The following SPATA17 variants were observed in gnomAD, a reference collection of about 807,000 sequenced individuals.
SPATA17 encodes the protein spermatogenesis-associated protein 17.
A neutral mutation model predicts 62.2 loss-of-function variants in SPATA17; 53 were observed. The observed-to-expected ratio is 0.85, with a 90% confidence interval of 0.68 to 1.07. SPATA17 has a LOEUF of 1.07. SPATA17 is among the 50% of genes least tolerant of loss of function. SPATA17 has a pLI of 0.00. For missense variants in SPATA17, 466 were observed against 425.5 expected, an observed-to-expected ratio of 1.10 and a Z score of -0.84; for synonymous variants, 146 against 146.8, an observed-to-expected ratio of 0.99 and a Z score of 0.04.
At chr1:217,709,045 G>C (rs1375979828) in intron 5 of SPATA17, among the ~76,000 whole-genome samples, 1 of 151,854 alleles carries the variant, frequency 6.6e-6, no homozygotes, top group African/African-American at 2.4e-5. Flanking sequence ...TTCAAAATAA[G>C]AGCCATCTAT....
intron 5 of SPATA17, among the ~76,000 whole-genome samples, chr1:217,710,134 TA>T (rs906819150): frequency 4.6e-5 from 7 of 152,068 alleles, no homozygotes; most frequent in African/African-American, 9.7e-5. Flanking sequence ...TAGTTAATAG[TA>T]AAAAAAATTG....
At chr1:217,808,378 CA>C (rs1674496095) in intron 9 of SPATA17, among the ~76,000 whole-genome samples, 3 of 48,742 alleles carry the variant, frequency 6.2e-5, no homozygotes, top group Non-Finnish European at 1.5e-4. Context: ...CACACACACA[CA>C]CACCCCCCTC....
intron 8 of SPATA17, among the ~76,000 whole-genome samples, chr1:217,793,207 G>A (rs954759109): frequency 4.7e-5 from 7 of 149,482 alleles, no homozygotes; most frequent in Non-Finnish European, 8.9e-5. Context: ...TTTAATGTTA[G>A]GGCAGTGGTT....
chr1:217,739,898 C>T (rs1324788727), intron 5 of SPATA17, among the ~76,000 whole-genome samples: 1 of 151,990 alleles, frequency 6.6e-6, no homozygotes, highest in Non-Finnish European at 1.5e-5. Flanking sequence ...AAATTAACTA[C>T]TTTTGTGTTT....
intron 1 of SPATA17, among the ~76,000 whole-genome samples, chr1:217,647,844 C>A (rs1670222766): frequency 6.6e-6 from 1 of 151,926 alleles, no homozygotes; most frequent in Admixed American, 6.6e-5. Context: ...CTGTCTCGGC[C>A]CCCGAGTAGC....
intron 5 of SPATA17, among the ~76,000 whole-genome samples, chr1:217,690,466 ATTTTTTATTTTTT>A (rs1338833125): frequency 3.2e-5 from 1 of 31,648 alleles, no homozygotes; most frequent in African/African-American, 1.8e-4. Flanking sequence ...ATTTTATTTT[ATTTTTTATTTTTT>A]TTTTTTTTAA....
At chr1:217,846,396 C>T (rs1347039405) in intron 9 of SPATA17, among the ~76,000 whole-genome samples, 1 of 152,016 alleles carries the variant, frequency 6.6e-6, no homozygotes, top group Non-Finnish European at 1.5e-5. Flanking sequence ...CAATATGAAA[C>T]AATTCTTACA....
intron 5 of SPATA17, among the ~76,000 whole-genome samples, chr1:217,741,568 A>G (rs1473226457): frequency 6.6e-6 from 1 of 152,196 alleles, no homozygotes; most frequent in Non-Finnish European, 1.5e-5. Flanking sequence ...TTAGTAGGCA[A>G]AATAAATGAT....
At chr1:217,835,982 A>C (rs569620633) in intron 9 of SPATA17, among the ~76,000 whole-genome samples, 52 of 151,836 alleles carry the variant, frequency 3.4e-4, no homozygotes, top group African/African-American at 1.3e-3. Flanking sequence ...CATTTCCTAC[A>C]CCCCTATGAT....
intron 3 of SPATA17, among the ~76,000 whole-genome samples, chr1:217,654,779 C>T (rs1216388766): frequency 6.7e-6 from 1 of 149,468 alleles, no homozygotes; most frequent in Non-Finnish European, 1.5e-5. Context: ...AGGGTGCGAG[C>T]TCAGCTCACT....
chr1:217,706,792 C>T (rs1183282061), intron 5 of SPATA17, among the ~76,000 whole-genome samples: 2 of 152,014 alleles, frequency 1.3e-5, no homozygotes, highest in African/African-American at 4.8e-5. Flanking sequence ...TTGTAATTCT[C>T]ACTGTAGAGA....
chr1:217,755,039 T>C (rs1673005349), intron 6 of SPATA17, among the ~76,000 whole-genome samples: 2 of 152,138 alleles, frequency 1.3e-5, no homozygotes, highest in South Asian at 4.1e-4. Flanking sequence ...TGAAATAATC[T>C]ATAAATTTTG....
intron 6 of SPATA17, among the ~76,000 whole-genome samples, chr1:217,773,416 ATATGTGTATATGTT>A (rs1673504362): frequency 6.6e-6 from 1 of 152,178 alleles, no homozygotes; most frequent in African/African-American, 2.4e-5. Flanking sequence ...ACATATACAC[ATATGTGTATATGTT>A]TTGATATAAG....
intron 7 of SPATA17, among the ~76,000 whole-genome samples, chr1:217,780,824 C>A (rs914744576): frequency 6.6e-6 from 1 of 152,204 alleles, no homozygotes; most frequent in African/African-American, 2.4e-5. Context: ...AAGAGAAATT[C>A]TGTGATGTAG....
chr1:217,838,694 C>A (rs906487343), intron 9 of SPATA17, among the ~76,000 whole-genome samples: 17 of 151,976 alleles, frequency 1.1e-4, no homozygotes, highest in African/African-American at 4.1e-4. Context: ...CCCTTCCTCC[C>A]ATCCCTTTTG....
At chr1:217,792,618 G>C (rs1047911951) in intron 8 of SPATA17, among the ~76,000 whole-genome samples, 6 of 152,172 alleles carry the variant, frequency 3.9e-5, no homozygotes, top group African/African-American at 9.6e-5. Flanking sequence ...ATTTCTGAGA[G>C]AGAATCTGTT....
intron 3 of SPATA17, among the ~76,000 whole-genome samples, chr1:217,660,792 CTT>C (rs1176252974): frequency 6.6e-6 from 1 of 152,160 alleles, no homozygotes; most frequent in Non-Finnish European, 1.5e-5. Context: ...AAGAAATAAA[CTT>C]TTGTTGTTTT....
At chr1:217,853,984 C>T (rs940174198) in intron 9 of SPATA17, among the ~76,000 whole-genome samples, 1 of 152,096 alleles carries the variant, frequency 6.6e-6, no homozygotes, top group Non-Finnish European at 1.5e-5. Context: ...CGGGCAGCCC[C>T]CAGAATCATA....
rs1474215815 is a variant in SPATA17 at position 217,869,859 on chromosome 1, G to A, written c.*2840G>A. The stretch of plus-strand genomic sequence containing the variant: ...GTCCATGCAGATGTTTGGAGGGGGG[G>A]GTCTTAAAGCTTTATTTTTAGATTA... On this transcript the variant is annotated 3_prime_UTR_variant, in exon 11 of 11. Transcript: ENST00000366933. 6.6e-6 allele frequency: 1 copy of A among 151,764 alleles called. No individual in the cohort carries two copies. Among genetic ancestry groups the A allele is most frequent in the Non-Finnish European group, 1.5e-5 (1 of 67,978 alleles). The allele number at this position is 151,764 out of a possible 1,614,324, so 9.4% of individuals were successfully genotyped here.
Sources: gnomAD v4.1 joint callset for allele counts (sites outside exome capture counted in the v4.1 genomes callset) on GRCh38, gnomAD v4.1.1 for gene constraint, MANE v1.5 for transcripts, NCBI Gene and HGNC (gene_info 2026-07-23, HGNC 2026-07-21) for gene names.